The following PLXNA4 variants were observed in gnomAD, a reference collection of about 807,000 sequenced individuals.
PLXNA4 encodes plexin A4.
In PLXNA4, 44 loss-of-function variants were observed where a neutral mutation model predicts 191.8. The ratio of observed to expected loss-of-function variants is 0.23; its 90% confidence interval spans 0.18 to 0.29. PLXNA4 has a LOEUF of 0.29. Among genes scored for constraint, PLXNA4 ranks in the 10% least tolerant of loss-of-function variants. The pLI is 1.00. For missense variants in PLXNA4, 1,800 were observed against 2,488.8 expected (o/e 0.72, Z 5.89); for synonymous variants, 1,082 against 1,009.5 (o/e 1.07, Z -1.36).
chr7:132,326,439 G>A (rs941243027), intron 3 of PLXNA4, among the ~76,000 whole-genome samples: 5 of 152,146 alleles, frequency 3.3e-5, no homozygotes, highest in East Asian at 1.9e-4. Context: ...TGATGCCCTC[G>A]AATGGTGGCC....
intron 2 of PLXNA4, among the ~76,000 whole-genome samples, chr7:132,495,569 T>A (rs1421932198): frequency 1.3e-5 from 2 of 152,096 alleles, no homozygotes; most frequent in Non-Finnish European, 2.9e-5. Flanking sequence ...CAAAATCAGA[T>A]CTGGTCTTCC....
At chr7:132,419,931 C>G (rs1794792854) in intron 3 of PLXNA4, among the ~76,000 whole-genome samples, 2 of 151,506 alleles carry the variant, frequency 1.3e-5, no homozygotes, top group South Asian at 4.2e-4. Context: ...TTTTTTAAAT[C>G]ATTAAATACG....
At chr7:132,288,661 T>A (rs1261735948) in intron 4 of PLXNA4, among the ~76,000 whole-genome samples, 2 of 152,092 alleles carry the variant, frequency 1.3e-5, no homozygotes, top group East Asian at 3.9e-4. Context: ...ATCCAAACAC[T>A]AACTGGAGTG....
chr7:132,127,158 A>G lies in PLXNA4; in HGVS notation c.*3321T>C, dbSNP rs1157064608. ...GCCCTTCTCTCTCCAACATGCAAAA[A>G]AAATTCCCACCTAAACTTTGTCAGT... On this transcript the variant is annotated 3_prime_UTR_variant, in exon 32 of 32. Transcript: ENST00000321063. 6.6e-6 allele frequency: 1 copy of G among 152,198 alleles called. No homozygotes were observed. Among genetic ancestry groups the G allele is most frequent in the East Asian group, 1.9e-4 (1 of 5,180 alleles). The allele number at this position is 152,198 out of a possible 1,614,324, so 9.4% of individuals were successfully genotyped here. A position where few individuals can be genotyped will look rare whatever the true frequency, so the allele number is the denominator to read the frequency against.
At chr7:132,501,900 A>T (rs879860260) in intron 2 of PLXNA4, among the ~76,000 whole-genome samples, 1 of 152,224 alleles carries the variant, frequency 6.6e-6, no homozygotes, top group Non-Finnish European at 1.5e-5. Flanking sequence ...CATGGTGTGT[A>T]TGGCAAGTGT....
At chr7:132,277,748 A>C (rs1190760728) in intron 4 of PLXNA4, among the ~76,000 whole-genome samples, 1 of 152,208 alleles carries the variant, frequency 6.6e-6, no homozygotes, top group Non-Finnish European at 1.5e-5. Context: ...TTGAGGCTTA[A>C]CACCTAGCAG....
At chr7:132,535,863 C>A (rs1467803721) in intron 1 of PLXNA4, among the ~76,000 whole-genome samples, 1 of 152,168 alleles carries the variant, frequency 6.6e-6, no homozygotes, top group African/African-American at 2.4e-5. Flanking sequence ...CCCATCATCT[C>A]CATTAATCCC....
At chr7:132,372,542 G>C (rs554991895) in intron 3 of PLXNA4, among the ~76,000 whole-genome samples, 1 of 152,298 alleles carries the variant, frequency 6.6e-6, no homozygotes, top group South Asian at 2.1e-4. Context: ...CTTCAGGCAG[G>C]AGTGGAAGCC....
At chr7:132,416,643 C>A (rs1279053180) in intron 3 of PLXNA4, among the ~76,000 whole-genome samples, 1 of 152,196 alleles carries the variant, frequency 6.6e-6, no homozygotes, top group African/African-American at 2.4e-5. Context: ...CTGCATCTTC[C>A]TTTCTTATAA....
chr7:132,391,284 C>T (rs1585071862), intron 3 of PLXNA4, among the ~76,000 whole-genome samples: 2 of 152,276 alleles, frequency 1.3e-5, no homozygotes, highest in South Asian at 4.1e-4. Context: ...AGAACTGGGG[C>T]TAGGGGAATC....
chr7:132,139,873 C>T (rs1795215743), intron 30 of PLXNA4, among the ~76,000 whole-genome samples: 1 of 152,222 alleles, frequency 6.6e-6, no homozygotes, highest in Admixed American at 6.5e-5. Flanking sequence ...TAGTACAGGG[C>T]TTCTGTGATG....
In PLXNA4 at chr7:132,513,997, A is replaced by T. The variant is rs1489206072; in HGVS notation, c.-86-5218T>A. Among the ~76,000 whole-genome samples the T allele has an allele frequency of 2.0e-5, 3 of 151,536 alleles. No homozygotes were observed. The East Asian group carries it at 5.9e-4, about 30-fold the overall frequency. ...GGCCAGGTACTCTTCTTAATGAAAT[A>T]AAATAGAAGGGAAAATACTAGTATG... On this transcript the variant is annotated intron_variant, in intron 1 of 31. Transcript: ENST00000321063.
chr7:132,170,051 G>C (rs1435742206), intron 21 of PLXNA4, among the ~76,000 whole-genome samples: 2 of 152,050 alleles, frequency 1.3e-5, no homozygotes, highest in Non-Finnish European at 1.5e-5. Context: ...CTTTGAGAAG[G>C]AGTGTCATGT....
intron 1 of PLXNA4, among the ~76,000 whole-genome samples, chr7:132,575,573 G>T (rs1022918892): frequency 6.6e-6 from 1 of 152,244 alleles, no homozygotes; most frequent in Non-Finnish European, 1.5e-5. Flanking sequence ...TGTGCCCAGG[G>T]AGGGTAGGGA....
chr7:132,154,193 G>C lies in PLXNA4; in HGVS notation c.4660+5280C>G, dbSNP rs544722082. On this transcript the variant is annotated intron_variant, in intron 25 of 31. Transcript: ENST00000321063. ...CCCCGGGCTGAGAAGGAGGCTGTAG[G>C]GGGAGACAAGATTCTATGGCTCTGC... Among the ~76,000 whole-genome samples the C allele has an allele frequency of 9.9e-5, 15 of 152,256 alleles. No individual in the cohort carries two copies. The East Asian group carries it at 2.7e-3, about 27-fold the overall frequency.
At position 132,624,348 on chromosome 7, in the gene PLXNA4, A is replaced by G. The variant is rs543811451; in HGVS notation, c.-87+21580T>C. On this transcript the variant is annotated intron_variant, in intron 2 of 4. Coordinates refer to the PLXNA4 transcript ENST00000378539. ...CACATACAGACTCCAGTCCCTGGCCATAAGCACATGCCTGGTTGGTTAGCT... is the reference window on the plus strand; with the variant it reads ...CACATACAGACTCCAGTCCCTGGCCGTAAGCACATGCCTGGTTGGTTAGCT... Among the ~76,000 whole-genome samples the G allele has an allele frequency of 4.2e-4, 64 of 152,344 alleles. 3 individuals carry two copies. In the South Asian group the frequency reaches 0.013, roughly 31 times the overall value.
intron 1 of PLXNA4, among the ~76,000 whole-genome samples, chr7:132,535,282 TG>T (rs550333921): frequency 6.6e-6 from 1 of 152,214 alleles, no homozygotes; most frequent in African/African-American, 2.4e-5. Flanking sequence ...GCCCAATGGA[TG>T]GGGGCACATG....
chr7:132,497,103 T>C (rs112879609), intron 2 of PLXNA4, among the ~76,000 whole-genome samples: 3,044 of 134,886 alleles, frequency 0.023, 38 homozygotes, highest in South Asian at 0.038. Context: ...ATTACACTTA[T>C]GCACACTTGT....
intron 3 of PLXNA4, among the ~76,000 whole-genome samples, chr7:132,395,654 A>C (rs547237524): frequency 6.6e-6 from 1 of 152,356 alleles, no homozygotes; most frequent in East Asian, 1.9e-4. Context: ...CTGATAGGCA[A>C]ACAGCCTGGA....
Sources: allele counts gnomAD v4.1 joint callset (sites outside exome capture counted in the v4.1 genomes callset), GRCh38; gene constraint gnomAD v4.1.1; transcripts MANE v1.5; gene names NCBI Gene and HGNC (gene_info 2026-07-23, HGNC 2026-07-21).